The following TMEM231 variants were observed in gnomAD, a reference collection of about 807,000 sequenced individuals.
TMEM231 encodes transmembrane protein 231.
In TMEM231, 40 loss-of-function variants were observed where a neutral mutation model predicts 38.5. The ratio of observed to expected loss-of-function variants is 1.04; its 90% CI spans 0.81 to 1.35. The LOEUF is 1.35. Among genes scored for constraint, TMEM231 ranks in the 40% most tolerant of loss-of-function variants. The probability of loss-of-function intolerance (pLI) is 0.00; values close to 1 mark genes in which losing one functional copy is unlikely to be tolerated. For synonymous variants in TMEM231, 199 were observed against 181.7 expected (o/e 1.10, Z -0.77); for missense variants, 420 against 416.9 (o/e 1.01, Z -0.07).
chr16:75,555,482 A>T (rs2080799504), intron 2 of TMEM231: 1 of 340,856 alleles, frequency 2.9e-6, no homozygotes, highest in Non-Finnish European at 5.3e-6. Flanking sequence ...ACTTTCACAA[A>T]CACCCTCCAT....
At chr16:75,543,133 C>T (rs1424914933) in intron 4 of TMEM231, among the ~76,000 whole-genome samples, 1 of 152,036 alleles carries the variant, frequency 6.6e-6, no homozygotes, top group Non-Finnish European at 1.5e-5. Context: ...CCTACAATCC[C>T]AGTGACTTGG....
At position 75,536,847 on chromosome 16, in the gene TMEM231, T is replaced by C. The variant is rs189556890; in HGVS notation, c.*3147A>G. 3.9e-5 allele frequency: 6 copies of C among 152,198 alleles called. No individual in the cohort carries two copies. Among genetic ancestry groups the C allele is most frequent in the Admixed American group, 2.0e-4 (3 of 15,294 alleles). The allele number at this position is 152,198 out of a possible 1,614,324, so 9.4% of individuals were successfully genotyped here. A position where few individuals can be genotyped will look rare whatever the true frequency, so the allele number is the denominator to read the frequency against. ...TGCCAGAATGCCAACCATAATAACT[T>C]CTGTGATCAAACTGCTGTGATCCCA... On this transcript the variant is annotated 3_prime_UTR_variant, in exon 7 of 7. Transcript: ENST00000258173.
chr16:75,552,415 T>A (rs1389947675), intron 2 of TMEM231, among the ~76,000 whole-genome samples: 1 of 152,194 alleles, frequency 6.6e-6, no homozygotes, highest in African/African-American at 2.4e-5. Flanking sequence ...ATTGCGCCAC[T>A]GAACTCCAGT....
intron 2 of TMEM231, 83 bp downstream of exon 2, chr16:75,555,721 G>A (rs1046483751): frequency 2.6e-5 from 36 of 1,377,082 alleles, no homozygotes; most frequent in Non-Finnish European, 3.2e-5. Flanking sequence ...CAGGGCCGGG[G>A]CCGCTCGCCC....
intron 2 of TMEM231, chr16:75,555,111 T>C (rs1226200098): frequency 2.0e-5 from 3 of 152,042 alleles, no homozygotes; most frequent in African/African-American, 4.8e-5. Flanking sequence ...TGAAAAGGAG[T>C]GACTACAAAG....
intron 6 of TMEM231, 61 bp downstream of exon 6, chr16:75,541,288 GA>G: frequency 7.6e-7 from 1 of 1,311,338 alleles, no homozygotes; most frequent in Non-Finnish European, 1.0e-6. Context: ...CCAAAGTGCT[GA>G]AATTATAGGC....
chr16:75,543,208 C>T (rs754714302), intron 4 of TMEM231, among the ~76,000 whole-genome samples: 27 of 151,664 alleles, frequency 1.8e-4, no homozygotes, highest in Non-Finnish European at 3.5e-4. Context: ...ATGATCATGC[C>T]ACTCACTACA....
In TMEM231 at chr16:75,539,865, C is replaced by T. The variant is rs1253225098; in HGVS notation, c.*129G>A. On this transcript the variant is annotated 3_prime_UTR_variant, in exon 7 of 7. Coordinates refer to ENST00000258173, the MANE Select transcript of TMEM231 (RefSeq NM_001077418.3). ...TGTGTAGAGCAAAACCGGAAAGAAC[C>T]GTTGTCTCTGAGGGAAAAGCACACA... The T allele has an allele frequency of 8.3e-6, 6 of 723,878 alleles. No homozygotes were observed. The Admixed American group carries it at 9.5e-5, about 11-fold the overall frequency. The allele number at this position is 723,878 out of a possible 1,614,324, so 44.8% of individuals were successfully genotyped here.
intron 4 of TMEM231, among the ~76,000 whole-genome samples, chr16:75,543,606 C>A (rs1419610166): frequency 6.6e-6 from 1 of 151,958 alleles, no homozygotes; most frequent in Non-Finnish European, 1.5e-5. Context: ...AACCCCTACA[C>A]AAAGACAAAA....
intron 2 of TMEM231, chr16:75,546,167 C>G: frequency 6.9e-7 from 1 of 1,459,374 alleles, no homozygotes; most frequent in South Asian, 1.2e-5. Flanking sequence ...CTGGGCCTTT[C>G]AAATGTTCAC....
chr16:75,544,871 T>A (rs1238903528), intron 4 of TMEM231, among the ~76,000 whole-genome samples: 1 of 151,848 alleles, frequency 6.6e-6, no homozygotes, highest in Non-Finnish European at 1.5e-5. Flanking sequence ...TTTGAAAAAA[T>A]TCATGGCAAG....
chr16:75,541,110 C>G (rs1004834188), intron 6 of TMEM231, among the ~76,000 whole-genome samples: 2 of 152,020 alleles, frequency 1.3e-5, no homozygotes, highest in African/African-American at 4.8e-5. Flanking sequence ...AATTCCTGGA[C>G]TCAAGCAATC....
intron 2 of TMEM231, among the ~76,000 whole-genome samples, chr16:75,550,965 C>T (rs1187109300): frequency 6.6e-6 from 1 of 152,196 alleles, no homozygotes; most frequent in East Asian, 1.9e-4. Context: ...GATCCATCCG[C>T]CTCGGCCTCC....
chr16:75,550,290 G>A (rs925857001), intron 2 of TMEM231, among the ~76,000 whole-genome samples: 3 of 152,238 alleles, frequency 2.0e-5, no homozygotes, highest in East Asian at 1.9e-4. Context: ...CCTTGAAGCC[G>A]GTAGGAGAGG....
intron 2 of TMEM231, among the ~76,000 whole-genome samples, chr16:75,553,621 C>CAAAA (rs60225459): frequency 1.1e-5 from 1 of 91,622 alleles, no homozygotes; most frequent in African/African-American, 3.5e-5. Flanking sequence ...AACTCTGTTG[C>CAAAA]AAAAAAAAAA....
At position 75,555,947 on chromosome 16, in the gene TMEM231, C is replaced by G. The variant is rs771783989; in HGVS notation, c.166G>C (p.Glu56Gln). The G allele has an allele frequency of 6.0e-5, 97 of 1,603,886 alleles. No individual in the cohort carries two copies. The highest frequency in any genetic ancestry group is 1.6e-4 in the Middle Eastern group (1 of 6,068). ...HGFWLKRSSY[E>Q]EQPTVRFQHQ... ...TGGAAGCGCACGGTCGGCTGCTCCT[C>G]GTAGCTGCTCCGCTTCAGCCAAAAC... The change falls in exon 2 of 7, where the codon GAG becomes CAG. Residue 56 changes from glutamate to glutamine, a missense_variant. By Grantham distance (29) the Glu-to-Gln change is conservative (BLOSUM62 2). Transcript: ENST00000258173.
intron 4 of TMEM231, among the ~76,000 whole-genome samples, chr16:75,543,509 G>A (rs1045270196): frequency 6.6e-6 from 1 of 152,150 alleles, no homozygotes; most frequent in African/African-American, 2.4e-5. Context: ...GACAGAGGTT[G>A]CAGTGAGCCG....
At position 75,539,822 on chromosome 16, in the gene TMEM231, G is replaced by C; in HGVS notation, c.*172C>G. ...ACTAGTCCCTGACAATTCTGCAGGAGCTCTGAAGATACGGAACTGTGTAGA... is the reference window on the plus strand; with the variant it reads ...ACTAGTCCCTGACAATTCTGCAGGACCTCTGAAGATACGGAACTGTGTAGA... On this transcript the variant is annotated 3_prime_UTR_variant, in exon 7 of 7. Transcript: ENST00000258173. 2.0e-6 allele frequency: 1 copy of C among 497,702 alleles called. No individual in the cohort carries two copies. Among genetic ancestry groups the C allele is most frequent in the Non-Finnish European group, 3.5e-6 (1 of 287,520 alleles). The allele number at this position is 497,702 out of a possible 1,614,324, so 30.8% of individuals were successfully genotyped here. A position where few individuals can be genotyped will look rare whatever the true frequency, so the allele number is the denominator to read the frequency against.
chr16:75,548,361 T>C (rs1340750152), intron 2 of TMEM231, among the ~76,000 whole-genome samples: 2 of 152,184 alleles, frequency 1.3e-5, no homozygotes, highest in Non-Finnish European at 2.9e-5. Flanking sequence ...CCATCAATAG[T>C]GTCTACTTGT....
Sources: allele counts gnomAD v4.1 joint callset (sites outside exome capture counted in the v4.1 genomes callset), GRCh38; gene constraint gnomAD v4.1.1; transcripts MANE v1.5; gene names NCBI Gene and HGNC (gene_info 2026-07-23, HGNC 2026-07-21).